Variants in PHLPP1 observed in about 807,000 individuals in gnomAD.
The protein encoded by PHLPP1 is PH domain leucine-rich repeat-containing protein phosphatase 1.
A neutral mutation model predicts 117.2 loss-of-function variants in PHLPP1; 42 were observed. The ratio of observed to expected loss-of-function variants is 0.36; its 90% CI spans 0.28 to 0.46. The LOEUF (loss-of-function observed/expected upper bound fraction) is 0.46. PHLPP1 is among the 20% of genes least tolerant of loss of function. PHLPP1 has a pLI of 1.00. For synonymous variants in PHLPP1, 1,042 were observed against 970.7 expected, an observed-to-expected ratio of 1.07 and a Z score of -1.37; for missense variants, 2,084 against 2,241.9, an observed-to-expected ratio of 0.93 and a Z score of 1.42.
chr18:62,723,279 A>G (rs1211045324), intron 1 of PHLPP1, among the ~76,000 whole-genome samples: 1 of 152,212 alleles, frequency 6.6e-6, no homozygotes, highest in East Asian at 1.9e-4. Flanking sequence ...AACATCCAGA[A>G]TTTTGGCATA....
At chr18:62,759,251 T>C (rs925628089) in intron 1 of PHLPP1, among the ~76,000 whole-genome samples, 1 of 152,166 alleles carries the variant, frequency 6.6e-6, no homozygotes, top group Admixed American at 6.5e-5. Context: ...GTAAAAATAA[T>C]TGTCTTGCAA....
intron 1 of PHLPP1, among the ~76,000 whole-genome samples, chr18:62,799,602 A>T (rs1289107856): frequency 6.6e-6 from 1 of 152,230 alleles, no homozygotes; most frequent in Non-Finnish European, 1.5e-5. Flanking sequence ...CACAGTGTGC[A>T]GGTTCCCCGG....
rs1453277006 is a variant in PHLPP1, at chr18:62,716,604, C to A, written c.921C>A (p.Gly307=). Residue 307 remains glycine, a synonymous_variant, in exon 1 of 17, where the codon GGC becomes GGA. Transcript: ENST00000262719. This position sits in a 1 kb window ranked among gnomAD's most constrained non-coding sequence, Gnocchi z 5.7. ...CCGCCGACCTACCCCTGCCCGTCGG[C>A]GGCCCGGGCGGGTGGTCGCGCCGCG... ...APPADLPLPV[G]GPGGWSRRAS... The A allele has an allele frequency of 7.7e-7, 1 of 1,302,480 alleles. No homozygotes were observed. Among genetic ancestry groups the A allele is most frequent in the Non-Finnish European group, 9.7e-7 (1 of 1,028,042 alleles). 80.7% of individuals were successfully genotyped at this position (1,302,480 alleles called of 1,614,324 possible). A position where few individuals can be genotyped will look rare whatever the true frequency, so the allele number is the denominator to read the frequency against.
At chr18:62,932,921 GA>G (rs1330517756) in intron 10 of PHLPP1, among the ~76,000 whole-genome samples, 1 of 152,152 alleles carries the variant, frequency 6.6e-6, no homozygotes, top group African/African-American at 2.4e-5. Flanking sequence ...AAAGTTTCAG[GA>G]TTCAGAATCA....
intron 4 of PHLPP1, among the ~76,000 whole-genome samples, chr18:62,864,262 T>C (rs559908913): frequency 7.2e-5 from 11 of 152,270 alleles, no homozygotes; most frequent in Admixed American, 3.9e-4. Flanking sequence ...CCTCAGGTAA[T>C]CCACCCACCT....
At chr18:62,931,205 A>AACAACAACAAC (rs56191858) in intron 10 of PHLPP1, among the ~76,000 whole-genome samples, 4 of 148,602 alleles carry the variant, frequency 2.7e-5, no homozygotes, top group African/African-American at 9.9e-5. Flanking sequence ...TAAAAAAAAA[A>AACAACAACAAC]AACAACAACA....
At chr18:62,957,596 T>C (rs1426950156) in intron 12 of PHLPP1, among the ~76,000 whole-genome samples, 3 of 152,096 alleles carry the variant, frequency 2.0e-5, no homozygotes, top group African/African-American at 7.2e-5. Context: ...CTTTTCTTTG[T>C]TTTTTGTTTG....
intron 1 of PHLPP1, among the ~76,000 whole-genome samples, chr18:62,719,156 G>A (rs144642145): frequency 0.01 from 1,594 of 152,248 alleles, 17 homozygotes; most frequent in Non-Finnish European, 0.015. Context: ...ATGCCTCTGA[G>A]TATGTGCTTA....
chr18:62,962,318 A>AT (rs1006670086), intron 13 of PHLPP1, among the ~76,000 whole-genome samples: 3 of 149,508 alleles, frequency 2.0e-5, no homozygotes, highest in Non-Finnish European at 4.4e-5. Flanking sequence ...TATGTTATTT[A>AT]TTTTTTGAGA....
rs1914982420 is a variant in PHLPP1, at chr18:62,838,901, G to T, written c.1891G>T (p.Val631Phe). ...AGAATACTTAAGGTGGCTGCGACAA[G>T]TCTCCAAGGTAAGCAAGCACTTAAT... ...FTEYLRWLRQ[V>F]SKVASQRISS... Residue 631 changes from valine to phenylalanine, a missense_variant, in exon 3 of 17, where the codon GTC (valine) becomes TTC (phenylalanine). Val to Phe is a conservative substitution (Grantham distance 50, BLOSUM62 -1). Coordinates refer to ENST00000262719, the MANE Select transcript of PHLPP1 (RefSeq NM_194449.4). 6 of 1,613,804 alleles carry T rather than the reference G, an allele frequency of 3.7e-6. No homozygotes were observed. The highest frequency in any genetic ancestry group is 1.1e-5 in the South Asian group (1 of 91,072).
At chr18:62,727,156 A>G (rs926502622) in intron 1 of PHLPP1, among the ~76,000 whole-genome samples, 43 of 146,494 alleles carry the variant, frequency 2.9e-4, no homozygotes, top group African/African-American at 1.1e-3. Flanking sequence ...TGAACCTGGG[A>G]GGTGAAGGTT....
chr18:62,805,112 G>T (rs1045548554), intron 1 of PHLPP1, among the ~76,000 whole-genome samples: 2 of 140,884 alleles, frequency 1.4e-5, no homozygotes, highest in Non-Finnish European at 3.1e-5. Flanking sequence ...TACATATACA[G>T]TATAATATGC....
At chr18:62,794,924 G>GT (rs1913579509) in intron 1 of PHLPP1, among the ~76,000 whole-genome samples, 1 of 152,138 alleles carries the variant, frequency 6.6e-6, no homozygotes, top group Non-Finnish European at 1.5e-5. Context: ...TAAGTAGATG[G>GT]AGTAGGGAAC....
intron 3 of PHLPP1, chr18:62,839,431 T>C (rs1261723108): frequency 1.3e-5 from 2 of 152,748 alleles, no homozygotes; most frequent in Non-Finnish European, 2.9e-5. Flanking sequence ...TATATAGTAC[T>C]TTTGGCCAGG....
chr18:62,971,458 T>C (rs922086769), intron 14 of PHLPP1, among the ~76,000 whole-genome samples: 4 of 151,972 alleles, frequency 2.6e-5, no homozygotes, highest in East Asian at 1.9e-4. Flanking sequence ...TCTTTTGAGT[T>C]TGGAGTGGAG....
chr18:62,764,585 C>G (rs895904786), intron 1 of PHLPP1, among the ~76,000 whole-genome samples: 2 of 151,600 alleles, frequency 1.3e-5, no homozygotes, highest in African/African-American at 4.9e-5. Flanking sequence ...AACCCCGTCT[C>G]TACTAAAAAT....
At chr18:62,913,868 T>G (rs1917029964) in intron 8 of PHLPP1, among the ~76,000 whole-genome samples, 1 of 151,076 alleles carries the variant, frequency 6.6e-6, no homozygotes, top group South Asian at 2.1e-4. Context: ...CTCAGCCTCC[T>G]GAGTAGCTGG....
chr18:62,880,921 G>T (rs555726345), intron 4 of PHLPP1, among the ~76,000 whole-genome samples: 1 of 152,074 alleles, frequency 6.6e-6, no homozygotes, highest in Non-Finnish European at 1.5e-5. Context: ...CTTCCACTGC[G>T]TACCTCCCTC....
At chr18:62,977,167 G>A (rs1389085502) in intron 16 of PHLPP1, among the ~76,000 whole-genome samples, 2 of 152,126 alleles carry the variant, frequency 1.3e-5, no homozygotes, top group Non-Finnish European at 2.9e-5. Flanking sequence ...TATAAGTGTG[G>A]TGTGGCAAAG....
Sources: allele counts gnomAD v4.1 joint callset (sites outside exome capture counted in the v4.1 genomes callset), GRCh38; gene constraint gnomAD v4.1.1; non-coding constraint Gnocchi (gnomAD v3.1); transcripts MANE v1.5; gene names NCBI Gene and HGNC (gene_info 2026-07-23, HGNC 2026-07-21).